Variants in CNTNAP2 observed in about 807,000 individuals in gnomAD.
The protein encoded by CNTNAP2 is contactin associated protein 2.
CNTNAP2 carries 98 observed loss-of-function variants against 155.2 expected under a neutral mutation model. The ratio of observed to expected loss-of-function variants is 0.63; its 90% CI spans 0.54 to 0.75. The LOEUF is 0.75. Ranked by LOEUF, CNTNAP2 falls within the 30% of genes least tolerant of loss-of-function variation. The pLI, the probability that CNTNAP2 is intolerant of heterozygous loss-of-function variation, is 0.00. For missense variants in CNTNAP2, 1,727 were observed against 1,688.1 expected, an observed-to-expected ratio of 1.02 and a Z score of -0.40; for synonymous variants, 651 against 631.2, an observed-to-expected ratio of 1.03 and a Z score of -0.47.
intron 11 of CNTNAP2, among the ~76,000 whole-genome samples, chr7:147,538,258 C>A (rs1335967273): frequency 6.6e-6 from 1 of 152,202 alleles, no homozygotes; most frequent in Non-Finnish European, 1.5e-5. Context: ...TCTTCTATTG[C>A]AGACAATTAT....
chr7:148,285,226 C>T (rs1797059034), intron 21 of CNTNAP2, among the ~76,000 whole-genome samples: 1 of 152,162 alleles, frequency 6.6e-6, no homozygotes, highest in Non-Finnish European at 1.5e-5. Flanking sequence ...TATTTTCCTG[C>T]TTTTAAATGT....
intron 13 of CNTNAP2, among the ~76,000 whole-genome samples, chr7:147,871,298 A>G (rs1334788091): frequency 6.6e-6 from 1 of 152,232 alleles, no homozygotes; most frequent in Non-Finnish European, 1.5e-5. Context: ...TTGCAAAAGT[A>G]GGCAGGATTT....
intron 1 of CNTNAP2, among the ~76,000 whole-genome samples, chr7:146,204,782 A>G (rs1462422399): frequency 6.6e-6 from 1 of 152,064 alleles, no homozygotes; most frequent in Non-Finnish European, 1.5e-5. Flanking sequence ...ATTGTATATA[A>G]CTAATGGCCC....
At chr7:147,664,529 T>A (rs1010531490) in intron 13 of CNTNAP2, among the ~76,000 whole-genome samples, 2 of 152,342 alleles carry the variant, frequency 1.3e-5, no homozygotes, top group South Asian at 4.1e-4. Context: ...TCAGCCTTTT[T>A]TTCGCCTTCA....
chr7:148,322,388 T>C lies in CNTNAP2; in HGVS notation c.3475+55262T>C, dbSNP rs538501759. ...GAGAAACAAGTGTAATAAGAAATAT[T>C]CCCGCTAGAGCATGGCAGCCATAAG... On this transcript the variant is annotated intron_variant, in intron 21 of 23. Transcript: ENST00000361727. Among the ~76,000 whole-genome samples, 331 of 152,280 alleles carry C rather than the reference T, an allele frequency of 2.2e-3. 1 individual carries two copies. The highest frequency in any genetic ancestry group is 7.5e-3 in the African/African-American group (310 of 41,552).
chr7:148,125,009 C>T (rs1221068821), intron 16 of CNTNAP2, among the ~76,000 whole-genome samples: 3 of 152,124 alleles, frequency 2.0e-5, no homozygotes, highest in Non-Finnish European at 2.9e-5. Flanking sequence ...AAACTACAAG[C>T]ATTTTGTATT....
intron 2 of CNTNAP2, among the ~76,000 whole-genome samples, chr7:146,837,865 C>G (rs1803648068): frequency 6.6e-6 from 1 of 152,140 alleles, no homozygotes; most frequent in African/African-American, 2.4e-5. Flanking sequence ...AACAAGGTCT[C>G]TCAATTTTGT....
intron 3 of CNTNAP2, among the ~76,000 whole-genome samples, chr7:146,858,943 C>G (rs150123878): frequency 4.1e-4 from 62 of 152,296 alleles, no homozygotes; most frequent in African/African-American, 1.4e-3. Context: ...CAGGGAGAAT[C>G]TGGCATTGGA....
intron 2 of CNTNAP2, among the ~76,000 whole-genome samples, chr7:146,777,682 G>T (rs754210228): frequency 6.6e-6 from 1 of 151,912 alleles, no homozygotes; most frequent in Non-Finnish European, 1.5e-5. Context: ...TTCTGCCTCA[G>T]CCACACAAGT....
chr7:146,666,737 C>A (rs923719115), intron 1 of CNTNAP2, among the ~76,000 whole-genome samples: 1 of 152,084 alleles, frequency 6.6e-6, no homozygotes, highest in Non-Finnish European at 1.5e-5. Flanking sequence ...ATTTGTATTT[C>A]CCTGAGGACT....
At chr7:147,058,637 C>T (rs866312719) in intron 4 of CNTNAP2, among the ~76,000 whole-genome samples, 41 of 152,154 alleles carry the variant, frequency 2.7e-4, no homozygotes, top group Admixed American at 2.5e-3. Context: ...GATGGAGTCT[C>T]GCTCTGTCAT....
intron 14 of CNTNAP2, among the ~76,000 whole-genome samples, chr7:147,952,131 A>G (rs1423337982): frequency 6.6e-6 from 1 of 151,756 alleles, no homozygotes; most frequent in Non-Finnish European, 1.5e-5. Context: ...ATCTTAATTA[A>G]AAGCAGTCAT....
rs145057995 is a variant in CNTNAP2 at position 147,049,086 on chromosome 7, G to A, written c.550+5032G>A. On this transcript the variant is annotated intron_variant, in intron 4 of 23. Transcript: ENST00000361727. ...GTCAAGGGACCTGCATCTGGCGAAG[G>A]CCTTCTTTTCCCATTGTCTCATAAC... is the stretch of plus-strand genomic sequence containing the variant. Among the ~76,000 whole-genome samples the A allele has an allele frequency of 5.9e-5, 9 of 152,238 alleles. No individual in the cohort carries two copies. In the East Asian group the frequency reaches 1.7e-3, roughly 29 times the overall value.
At chr7:148,308,487 T>C (rs1797529199) in intron 21 of CNTNAP2, among the ~76,000 whole-genome samples, 1 of 151,958 alleles carries the variant, frequency 6.6e-6, no homozygotes, top group Non-Finnish European at 1.5e-5. Context: ...TAGATCCAAT[T>C]TTAGAAGTTT....
At chr7:147,962,862 C>T (rs1257103199) in intron 14 of CNTNAP2, among the ~76,000 whole-genome samples, 1 of 152,136 alleles carries the variant, frequency 6.6e-6, no homozygotes, top group South Asian at 2.1e-4. Context: ...AACAGTTTAA[C>T]ATCAGAGTCC....
chr7:146,319,897 A>G (rs1800971387), intron 1 of CNTNAP2, among the ~76,000 whole-genome samples: 1 of 152,138 alleles, frequency 6.6e-6, no homozygotes, highest in Non-Finnish European at 1.5e-5. Flanking sequence ...TGCTACATGA[A>G]GGGAGGAAAA....
At chr7:146,765,195 A>C (rs1275097884) in intron 1 of CNTNAP2, among the ~76,000 whole-genome samples, 1 of 152,172 alleles carries the variant, frequency 6.6e-6, no homozygotes, top group Non-Finnish European at 1.5e-5. Context: ...CAAGATATTT[A>C]AAAAGTCCTA....
chr7:147,287,116 T>C (rs1477696561), intron 8 of CNTNAP2, among the ~76,000 whole-genome samples: 1 of 152,108 alleles, frequency 6.6e-6, no homozygotes, highest in African/African-American at 2.4e-5. Context: ...TACGCTCAAC[T>C]TCAAATATAG....
At chr7:146,342,508 A>G (rs913702292) in intron 1 of CNTNAP2, among the ~76,000 whole-genome samples, 2 of 152,198 alleles carry the variant, frequency 1.3e-5, no homozygotes, top group Non-Finnish European at 2.9e-5. Flanking sequence ...GACTGTTAAT[A>G]TATTTGCCTT....
Sources: gnomAD v4.1 joint callset for allele counts (sites outside exome capture counted in the v4.1 genomes callset) on GRCh38, gnomAD v4.1.1 for gene constraint, MANE v1.5 for transcripts, NCBI Gene and HGNC (gene_info 2026-07-23, HGNC 2026-07-21) for gene names.